KCNMB2: variants seen among roughly 807,000 people sequenced by gnomAD.
KCNMB2 encodes the protein calcium-activated potassium channel subunit beta-2.
KCNMB2 carries 9 observed loss-of-function variants against 24.5 expected under a neutral mutation model. The ratio of observed to expected loss-of-function variants is 0.37; its 90% CI spans 0.22 to 0.64. The LOEUF is 0.64. Among genes scored for constraint, KCNMB2 ranks in the 30% least tolerant of loss-of-function variants. The pLI, the probability that KCNMB2 is intolerant of heterozygous loss-of-function variation, is 0.63. For synonymous variants in KCNMB2, 109 were observed against 104.4 expected (o/e 1.04, Z -0.27); for missense variants, 226 against 284.3 (o/e 0.79, Z 1.47).
At chr3:178,638,948 T>C (rs1393396337) in intron 1 of KCNMB2, among the ~76,000 whole-genome samples, 1 of 152,192 alleles carries the variant, frequency 6.6e-6, no homozygotes, top group Non-Finnish European at 1.5e-5. Flanking sequence ...ACTCTAGAAA[T>C]ATAGACCATT....
At chr3:178,809,573 C>T (rs1455302889) in intron 2 of KCNMB2, among the ~76,000 whole-genome samples, 1 of 152,180 alleles carries the variant, frequency 6.6e-6, no homozygotes, top group East Asian at 1.9e-4. Context: ...CCCTGTACCC[C>T]AGTACCTGCC....
chr3:178,669,198 T>C (rs967073911), intron 1 of KCNMB2, among the ~76,000 whole-genome samples: 2 of 152,138 alleles, frequency 1.3e-5, no homozygotes, highest in Non-Finnish European at 2.9e-5. Context: ...TAAGTGAAGA[T>C]GGATGGGCAT....
At chr3:178,729,055 A>C (rs1256602876) in intron 1 of KCNMB2, among the ~76,000 whole-genome samples, 1 of 152,202 alleles carries the variant, frequency 6.6e-6, no homozygotes, top group East Asian at 1.9e-4. Flanking sequence ...AACAAAAGGA[A>C]GTTACCCGTG....
intron 1 of KCNMB2, among the ~76,000 whole-genome samples, chr3:178,678,416 C>T (rs13081954): frequency 0.31 from 47,472 of 151,960 alleles, 7,858 homozygotes; most frequent in African/African-American, 0.42. Flanking sequence ...TTATTTTACA[C>T]AGGTATATAA....
At chr3:178,722,332 T>A (rs1042867845) in intron 1 of KCNMB2, among the ~76,000 whole-genome samples, 1 of 152,200 alleles carries the variant, frequency 6.6e-6, no homozygotes, top group Non-Finnish European at 1.5e-5. Context: ...TACCACTGAC[T>A]GGGTAATTTA....
intron 4 of KCNMB2, among the ~76,000 whole-genome samples, chr3:178,836,422 G>A (rs560817995): frequency 1.3e-5 from 2 of 152,104 alleles, no homozygotes; most frequent in East Asian, 3.9e-4. Context: ...GACATTGACA[G>A]GACCCAAGGT....
intron 1 of KCNMB2, among the ~76,000 whole-genome samples, chr3:178,695,584 T>C (rs570835068): frequency 6.6e-6 from 1 of 152,302 alleles, no homozygotes; most frequent in Admixed American, 6.5e-5. Context: ...CACAGATCTC[T>C]AGGTCAGGGG....
intron 1 of KCNMB2, among the ~76,000 whole-genome samples, chr3:178,697,791 G>A (rs898160470): frequency 2.0e-5 from 3 of 152,128 alleles, no homozygotes; most frequent in Non-Finnish European, 4.4e-5. Flanking sequence ...TTATAAGGCA[G>A]GTCTTGTGGT....
At chr3:178,731,646 G>A (rs1723153275) in intron 1 of KCNMB2, among the ~76,000 whole-genome samples, 1 of 152,232 alleles carries the variant, frequency 6.6e-6, no homozygotes, top group Admixed American at 6.5e-5. Flanking sequence ...GCTCATGCCT[G>A]TAATCCCAGC....
Position 178,557,582 on chromosome 3 carries a change from G to A in KCNMB2, c.-68+20871G>A, listed in dbSNP as rs9851521. 5.0e-3 allele frequency among the ~76,000 whole-genome samples: 767 copies of A among 152,142 alleles called. 5 individuals carry two copies. The highest frequency in any genetic ancestry group is 0.018 in the African/African-American group (728 of 41,500). The stretch of plus-strand genomic sequence containing the variant: ...TGCTTTATTCTCTCTACCCTTATTC[G>A]TTGGCCATGCCTTTACAAAGAAAGG... On this transcript the variant is annotated intron_variant, in intron 1 of 4. Coordinates refer to ENST00000452583, the MANE Select transcript of KCNMB2 (RefSeq NM_181361.3).
chr3:178,716,389 T>C (rs1390173398), intron 1 of KCNMB2, among the ~76,000 whole-genome samples: 1 of 151,882 alleles, frequency 6.6e-6, no homozygotes, highest in Non-Finnish European at 1.5e-5. Context: ...AGAAAGATAA[T>C]TCATCAGTGG....
At chr3:178,650,648 C>T (rs921207364) in intron 1 of KCNMB2, among the ~76,000 whole-genome samples, 15 of 152,126 alleles carry the variant, frequency 9.9e-5, no homozygotes, top group East Asian at 1.9e-4. Flanking sequence ...AACATTGATG[C>T]GAAAATCCTC....
chr3:178,579,571 G>A (rs1475880414), intron 1 of KCNMB2, among the ~76,000 whole-genome samples: 3 of 152,090 alleles, frequency 2.0e-5, no homozygotes, highest in Non-Finnish European at 2.9e-5. Flanking sequence ...AAAAATCAAA[G>A]AATCCATGAG....
At chr3:178,621,786 T>A (rs1329441934) in intron 1 of KCNMB2, among the ~76,000 whole-genome samples, 1 of 152,182 alleles carries the variant, frequency 6.6e-6, no homozygotes, top group East Asian at 1.9e-4. Flanking sequence ...TATCCCCTAT[T>A]TTCCAGAGAA....
chr3:178,780,356 A>G (rs1440641856), intron 1 of KCNMB2, among the ~76,000 whole-genome samples: 2 of 152,174 alleles, frequency 1.3e-5, no homozygotes, highest in Non-Finnish European at 2.9e-5. Flanking sequence ...ATCTTAATCC[A>G]TCCTGAATGT....
intron 1 of KCNMB2, among the ~76,000 whole-genome samples, chr3:178,804,154 C>T (rs1713875403): frequency 6.6e-6 from 1 of 152,154 alleles, no homozygotes; most frequent in African/African-American, 2.4e-5. Flanking sequence ...GTGTAAAGTA[C>T]TTTCTTTTTT....
chr3:178,556,124 G>C (rs1716117630), intron 1 of KCNMB2, among the ~76,000 whole-genome samples: 1 of 152,194 alleles, frequency 6.6e-6, no homozygotes. Flanking sequence ...CTGAAGTTCA[G>C]CAGGACGTCA....
At chr3:178,730,781 T>TC (rs909043792) in intron 1 of KCNMB2, among the ~76,000 whole-genome samples, 4 of 152,086 alleles carry the variant, frequency 2.6e-5, no homozygotes, top group African/African-American at 7.2e-5. Flanking sequence ...CATCAAGCCT[T>TC]CCCCCTGCCT....
At chr3:178,753,496 C>G (rs1033945971) in intron 1 of KCNMB2, among the ~76,000 whole-genome samples, 1 of 152,044 alleles carries the variant, frequency 6.6e-6, no homozygotes, top group Non-Finnish European at 1.5e-5. Context: ...TACAAAAATG[C>G]CTGGGACTCT....
Sources: gnomAD v4.1 joint callset for allele counts (sites outside exome capture counted in the v4.1 genomes callset) on GRCh38, gnomAD v4.1.1 for gene constraint, MANE v1.5 for transcripts, NCBI Gene and HGNC (gene_info 2026-07-23, HGNC 2026-07-21) for gene names.